Variants in SLC25A21 observed in about 807,000 individuals in gnomAD.
The protein encoded by SLC25A21 is solute carrier family 25 member 21, also known as mitochondrial 2-oxodicarboxylate carrier.
SLC25A21 carries 47 observed loss-of-function variants against 43.8 expected under a neutral mutation model. The observed-to-expected ratio is 1.07, with a 90% CI of 0.85 to 1.37. The LOEUF (loss-of-function observed/expected upper bound fraction) is 1.37. Among genes scored for constraint, SLC25A21 ranks in the 40% most tolerant of loss-of-function variants. SLC25A21 has a pLI of 0.00. For synonymous variants in SLC25A21, 131 were observed against 121.3 expected (o/e 1.08, Z -0.52); for missense variants, 352 against 350.2 (o/e 1.00, Z -0.04).
At chr14:36,988,414 C>T (rs576734586) in intron 1 of SLC25A21, among the ~76,000 whole-genome samples, 5 of 152,214 alleles carry the variant, frequency 3.3e-5, no homozygotes, top group South Asian at 2.1e-4. Context: ...AGATATTAAA[C>T]GCTTGCATGG....
intron 1 of SLC25A21, among the ~76,000 whole-genome samples, chr14:36,893,622 C>A (rs1891150431): frequency 6.6e-6 from 1 of 152,094 alleles, no homozygotes; most frequent in South Asian, 2.1e-4. Flanking sequence ...CTTGTCCATG[C>A]CTATGTCCTG....
chr14:37,034,635 G>C (rs774134427), intron 1 of SLC25A21, among the ~76,000 whole-genome samples: 72 of 152,172 alleles, frequency 4.7e-4, no homozygotes, highest in Non-Finnish European at 8.8e-4. Flanking sequence ...CTGCATGTCA[G>C]CGACAAAAAC....
chr14:37,117,334 C>G (rs1963124158), intron 1 of SLC25A21, among the ~76,000 whole-genome samples: 1 of 151,960 alleles, frequency 6.6e-6, no homozygotes, highest in Admixed American at 6.6e-5. Flanking sequence ...AAATTTATTC[C>G]CAGAGCACAG....
chr14:36,974,903 T>C (rs1393412217), intron 1 of SLC25A21, among the ~76,000 whole-genome samples: 1 of 152,146 alleles, frequency 6.6e-6, no homozygotes, highest in Non-Finnish European at 1.5e-5. Context: ...GTGCCTGACA[T>C]TTCAGCTAGG....
chr14:36,789,538 C>T (rs1042049708), intron 3 of SLC25A21, among the ~76,000 whole-genome samples: 1 of 151,156 alleles, frequency 6.6e-6, no homozygotes, highest in African/African-American at 2.4e-5. Context: ...GCATTCACTA[C>T]ATCCTATGCC....
chr14:36,743,850 AC>A (rs1433532038), intron 3 of SLC25A21, among the ~76,000 whole-genome samples: 1 of 152,190 alleles, frequency 6.6e-6, no homozygotes, highest in Non-Finnish European at 1.5e-5. Flanking sequence ...AAATCAACAT[AC>A]CAAAATCAGT....
chr14:36,982,081 T>C (rs761616157), intron 1 of SLC25A21, among the ~76,000 whole-genome samples: 6 of 152,204 alleles, frequency 3.9e-5, no homozygotes, highest in Non-Finnish European at 7.3e-5. Flanking sequence ...TGGGAAGTTC[T>C]TGCAAAACAT....
chr14:36,783,276 A>G (rs1887138075), intron 3 of SLC25A21, among the ~76,000 whole-genome samples: 2 of 151,978 alleles, frequency 1.3e-5, no homozygotes, highest in Admixed American at 1.3e-4. Context: ...GGAGTGAGGC[A>G]TGTGGAGCAT....
intron 3 of SLC25A21, among the ~76,000 whole-genome samples, chr14:36,775,092 G>C (rs1469351415): frequency 6.6e-6 from 1 of 152,118 alleles, no homozygotes; most frequent in Admixed American, 6.5e-5. Flanking sequence ...TTCATGAGAT[G>C]GTATTCCCTT....
chr14:36,883,099 A>C (rs1221213233), intron 1 of SLC25A21, among the ~76,000 whole-genome samples: 1 of 152,058 alleles, frequency 6.6e-6, no homozygotes, highest in African/African-American at 2.4e-5. Context: ...CCACAGCCTG[A>C]GTGATCCTTT....
chr14:36,996,342 A>G (rs1175149888), intron 1 of SLC25A21, among the ~76,000 whole-genome samples: 1 of 152,162 alleles, frequency 6.6e-6, no homozygotes, highest in Non-Finnish European at 1.5e-5. Flanking sequence ...GGCATTAGAT[A>G]AGAATTACTT....
intron 1 of SLC25A21, among the ~76,000 whole-genome samples, chr14:36,984,854 C>T (rs1040720958): frequency 6.6e-6 from 1 of 151,944 alleles, no homozygotes; most frequent in Non-Finnish European, 1.5e-5. Flanking sequence ...ATAAATCATG[C>T]TGCTATAAAG....
At chr14:36,792,206 G>T (rs848098) in intron 3 of SLC25A21, among the ~76,000 whole-genome samples, 31,090 of 151,976 alleles carry the variant, frequency 0.2, 3,330 homozygotes, top group Middle Eastern at 0.27. Flanking sequence ...TGTGTCCCAC[G>T]CTAGTCCTAA....
intron 3 of SLC25A21, among the ~76,000 whole-genome samples, chr14:36,773,390 A>T (rs1229830136): frequency 6.6e-6 from 1 of 152,190 alleles, no homozygotes; most frequent in Admixed American, 6.5e-5. Flanking sequence ...GATAAGCCAC[A>T]ACTAGAATAT....
chr14:36,838,217 C>T (rs1192261059), intron 2 of SLC25A21, among the ~76,000 whole-genome samples: 1 of 152,152 alleles, frequency 6.6e-6, no homozygotes, highest in Non-Finnish European at 1.5e-5. Context: ...TGTGAGGATA[C>T]GGGCTTGCTG....
chr14:36,771,311 G>T (rs1886610221), intron 3 of SLC25A21, among the ~76,000 whole-genome samples: 1 of 152,074 alleles, frequency 6.6e-6, no homozygotes, highest in Non-Finnish European at 1.5e-5. Context: ...ATAAATCACT[G>T]ATTTAATCGT....
chr14:36,824,045 G>A (rs1030922712), intron 2 of SLC25A21, among the ~76,000 whole-genome samples: 4 of 152,216 alleles, frequency 2.6e-5, no homozygotes, highest in Admixed American at 2.0e-4. Flanking sequence ...CTAGAGAACA[G>A]GAGCCAGGGG....
chr14:37,083,597 G>A (rs1566868613), intron 1 of SLC25A21, among the ~76,000 whole-genome samples: 1 of 152,126 alleles, frequency 6.6e-6, no homozygotes, highest in Non-Finnish European at 1.5e-5. Context: ...CAATAACCAC[G>A]AAAGCTGAAA....
chr14:36,861,700 A>G (rs563443886), intron 2 of SLC25A21, among the ~76,000 whole-genome samples: 15 of 152,208 alleles, frequency 9.9e-5, no homozygotes, highest in South Asian at 4.1e-4. Flanking sequence ...AACATTTTTA[A>G]AACTGTTACA....
Sources: allele counts gnomAD v4.1 joint callset (sites outside exome capture counted in the v4.1 genomes callset), GRCh38; gene constraint gnomAD v4.1.1; transcripts MANE v1.5; gene names NCBI Gene and HGNC (gene_info 2026-07-23, HGNC 2026-07-21).